TDRD10: variants seen among roughly 807,000 people sequenced by gnomAD.
TDRD10 encodes the protein tudor domain containing 10.
TDRD10 carries 40 observed loss-of-function variants against 48.0 expected under a neutral mutation model. That is an observed-to-expected ratio of 0.83 (90% CI 0.65 to 1.09). The LOEUF (loss-of-function observed/expected upper bound fraction) is 1.09, where lower values mean the gene tolerates loss of function less well. TDRD10 is among the 50% of genes least tolerant of loss of function. The pLI, the probability that TDRD10 is intolerant of heterozygous loss-of-function variation, is 0.00. For synonymous variants in TDRD10, 162 were observed against 170.4 expected (o/e 0.95, Z 0.38); for missense variants, 378 against 434.7 (o/e 0.87, Z 1.16).
intron 8 of TDRD10, 21 bp from the exon 9 acceptor site, chr1:154,543,942 C>T: frequency 1.2e-6 from 2 of 1,611,740 alleles, no homozygotes; most frequent in South Asian, 1.1e-5. Context: ...CCTTTCCTTG[C>T]TCCCCTTGCT....
intron 11 of TDRD10, among the ~76,000 whole-genome samples, chr1:154,545,314 T>C (rs1695487678): frequency 6.6e-6 from 1 of 152,152 alleles, no homozygotes; most frequent in African/African-American, 2.4e-5. Flanking sequence ...GATTCTGCCA[T>C]AGAAGAAAAC....
chr1:154,537,581 C>T (rs533295565), intron 6 of TDRD10, among the ~76,000 whole-genome samples: 2 of 152,136 alleles, frequency 1.3e-5, no homozygotes, highest in Admixed American at 6.5e-5. Context: ...GAGAGATGGC[C>T]CAGGGTTGTG....
intron 11 of TDRD10, 83 bp downstream of exon 11, chr1:154,545,032 C>T: frequency 1.3e-6 from 2 of 1,539,752 alleles, no homozygotes; most frequent in South Asian, 1.2e-5. Context: ...CAGGAAGCAG[C>T]ATAGTGGGCG....
At chr1:154,545,918 A>T (rs1272557993) in intron 11 of TDRD10, among the ~76,000 whole-genome samples, 4 of 108,976 alleles carry the variant, frequency 3.7e-5, no homozygotes, top group African/African-American at 1.4e-4. Context: ...GCACCACCAC[A>T]CCCAGCTAAT....
intron 6 of TDRD10, among the ~76,000 whole-genome samples, chr1:154,539,600 G>A (rs1353433764): frequency 6.6e-6 from 1 of 152,128 alleles, no homozygotes; most frequent in African/African-American, 2.4e-5. Flanking sequence ...GGCGTGAGCC[G>A]CAGTACCCAG....
chr1:154,541,808 G>T, intron 6 of TDRD10: 1 of 519,762 alleles, frequency 1.9e-6, no homozygotes, highest in Non-Finnish European at 3.4e-6. Context: ...CCTGCTCCCT[G>T]CCTTCCCTGC....
At chr1:154,521,141 G>A (rs1694031783) in intron 5 of TDRD10, among the ~76,000 whole-genome samples, 182 bp from the exon 6 acceptor site, 1 of 152,206 alleles carries the variant, frequency 6.6e-6, no homozygotes, top group African/African-American at 2.4e-5. Flanking sequence ...GCCCATGACA[G>A]TATCTCACAC....
intron 6 of TDRD10, among the ~76,000 whole-genome samples, chr1:154,530,153 T>TA (rs1359851299): frequency 6.6e-6 from 1 of 152,002 alleles, no homozygotes; most frequent in Non-Finnish European, 1.5e-5. Context: ...GAGCTGGAAT[T>TA]ACAGGCACCT....
rs751439221 is a variant in TDRD10, at chr1:154,544,037, G to A, written c.578G>A (p.Arg193His). 8.7e-6 allele frequency: 14 copies of A among 1,614,072 alleles called. No homozygotes were observed. Among genetic ancestry groups the A allele is most frequent in the South Asian group, 2.2e-5 (2 of 91,088 alleles). The change falls in exon 9 of 13, where the codon CGT (arginine) becomes CAT (histidine). Residue 193 changes from arginine to histidine, a missense_variant. Coordinates refer to ENST00000368482, the MANE Select transcript of TDRD10 (RefSeq NM_182499.4). ...TGGCTGGCACTCATCCATAGCGTCC[G>A]TGGGGAGGCGGGGCTGCTGGTGACG... is the stretch of plus-strand genomic sequence containing the variant. ...LSWLALIHSV[R>H]GEAGLLVTSI...
chr1:154,521,279 C>G, intron 5 of TDRD10, 44 bp from the exon 6 acceptor site: 2 of 1,605,404 alleles, frequency 1.2e-6, no homozygotes. Flanking sequence ...CTGGGCTTCT[C>G]TGGAGATGTG....
chr1:154,508,383 C>G (rs376212631), intron 3 of TDRD10, 40 bp from the exon 4 acceptor site: 1 of 1,382,990 alleles, frequency 7.2e-7, no homozygotes, highest in Admixed American at 1.7e-5. Flanking sequence ...ATCCTCTAAC[C>G]GTATGTATGC....
At chr1:154,546,388 TAA>T (rs199598386) in intron 11 of TDRD10, among the ~76,000 whole-genome samples, 26,473 of 146,728 alleles carry the variant, frequency 0.18, 2,579 homozygotes, top group South Asian at 0.23. Flanking sequence ...TATATATATA[TAA>T]AATATATGTA....
At chr1:154,537,776 A>G (rs1006720886) in intron 6 of TDRD10, among the ~76,000 whole-genome samples, 4 of 152,152 alleles carry the variant, frequency 2.6e-5, no homozygotes, top group African/African-American at 4.8e-5. Flanking sequence ...CTCCCACTGC[A>G]CGGACTCCCC....
At chr1:154,509,704 AAATC>A in intron 4 of TDRD10, 1 of 438,658 alleles carries the variant, frequency 2.3e-6, no homozygotes, top group Non-Finnish European at 3.0e-6. Context: ...CCAATAAATG[AAATC>A]ATATTCAATC....
intron 4 of TDRD10, among the ~76,000 whole-genome samples, chr1:154,515,569 T>C (rs1042951266): frequency 1.3e-5 from 2 of 152,244 alleles, no homozygotes; most frequent in African/African-American, 4.8e-5. Flanking sequence ...CTTGCACCTA[T>C]GGCACTGCTC....
chr1:154,542,276 A>AT (rs1482365800), intron 7 of TDRD10, among the ~76,000 whole-genome samples: 4 of 152,220 alleles, frequency 2.6e-5, no homozygotes, highest in African/African-American at 9.6e-5. Context: ...CACCCAGGTT[A>AT]TAGTGCAGTG....
intron 3 of TDRD10, among the ~76,000 whole-genome samples, chr1:154,508,160 T>C (rs1200244847): frequency 2.0e-5 from 3 of 152,108 alleles, no homozygotes; most frequent in African/African-American, 7.2e-5. Flanking sequence ...AGCCATTCAG[T>C]GTTCATGGGG....
chr1:154,535,840 A>G (rs1388209003), intron 6 of TDRD10, among the ~76,000 whole-genome samples: 1 of 152,202 alleles, frequency 6.6e-6, no homozygotes, highest in East Asian at 1.9e-4. Context: ...CAGATCCAAG[A>G]GGAGAGAGAT....
chr1:154,525,377 A>T (rs1007651148), intron 6 of TDRD10, among the ~76,000 whole-genome samples: 2 of 131,538 alleles, frequency 1.5e-5, no homozygotes, highest in African/African-American at 5.4e-5. Context: ...AAGCATTCCT[A>T]TGTAAACAAC....
Sources: allele counts gnomAD v4.1 joint callset (sites outside exome capture counted in the v4.1 genomes callset), GRCh38; gene constraint gnomAD v4.1.1; transcripts MANE v1.5; gene names NCBI Gene and HGNC (gene_info 2026-07-23, HGNC 2026-07-21).